GOLPH3L: variants seen among roughly 807,000 people sequenced by gnomAD.
GOLPH3L encodes the protein golgi phosphoprotein 3 like.
In GOLPH3L, 22 loss-of-function variants were observed where a neutral mutation model predicts 30.3. The ratio of observed to expected loss-of-function variants is 0.73; its 90% CI spans 0.52 to 1.04. The LOEUF (loss-of-function observed/expected upper bound fraction) is 1.04. Ranked by LOEUF, GOLPH3L falls within the 50% of genes least tolerant of loss-of-function variation. The pLI is 0.00. For synonymous variants in GOLPH3L, 120 were observed against 128.2 expected (o/e 0.94, Z 0.43); for missense variants, 303 against 345.8 (o/e 0.88, Z 0.98).
At chr1:150,680,478 G>A (rs879499892) in intron 2 of GOLPH3L, among the ~76,000 whole-genome samples, 3 of 152,084 alleles carry the variant, frequency 2.0e-5, no homozygotes, top group Admixed American at 1.3e-4. Context: ...GTGTGAGGCC[G>A]CTGAAACAAA....
chr1:150,688,257 A>G (rs1358495050), intron 2 of GOLPH3L, among the ~76,000 whole-genome samples: 1 of 152,272 alleles, frequency 6.6e-6, no homozygotes, highest in Non-Finnish European at 1.5e-5. Flanking sequence ...AACTTAAACA[A>G]TAAAGCATGT....
chr1:150,658,193 T>C lies in GOLPH3L; in HGVS notation c.430+3621A>G, dbSNP rs150837071. 2.1e-4 allele frequency among the ~76,000 whole-genome samples: 32 copies of C among 152,274 alleles called. No individual in the cohort carries two copies. The East Asian group carries it at 5.4e-3, about 26-fold the overall frequency. ...ATGCTGAGGAGGACCCCAACTGTCA[T>C]TAGCAACACCCGTTGAACACAGCCA... On this transcript the variant is annotated intron_variant, in intron 4 of 4. Transcript: ENST00000271732.
At chr1:150,650,680 C>T (rs930830835) in intron 4 of GOLPH3L, among the ~76,000 whole-genome samples, 2 of 152,108 alleles carry the variant, frequency 1.3e-5, no homozygotes, top group East Asian at 1.9e-4. Context: ...TGAATCATAC[C>T]GAAACCATCC....
chr1:150,658,649 A>T (rs1288734456), intron 4 of GOLPH3L, among the ~76,000 whole-genome samples: 1 of 152,194 alleles, frequency 6.6e-6, no homozygotes, highest in East Asian at 1.9e-4. Flanking sequence ...TTGGTCCCAT[A>T]AGGGGATGTT....
intron 2 of GOLPH3L, among the ~76,000 whole-genome samples, chr1:150,666,507 G>T (rs772170191): frequency 1.2e-4 from 19 of 152,012 alleles, no homozygotes; most frequent in African/African-American, 4.6e-4. Context: ...ACCACGCCTG[G>T]CTAATTTTTT....
chr1:150,664,384 GTAAAA>G (rs1307601837), intron 2 of GOLPH3L, among the ~76,000 whole-genome samples: 1 of 152,080 alleles, frequency 6.6e-6, no homozygotes, highest in Non-Finnish European at 1.5e-5. Context: ...TCAGAGTGGG[GTAAAA>G]TAAGTCAGAA....
chr1:150,689,712 T>C (rs1170211605), intron 2 of GOLPH3L, among the ~76,000 whole-genome samples: 1 of 151,904 alleles, frequency 6.6e-6, no homozygotes. Flanking sequence ...TAGTGTGACC[T>C]TGGCTCATTG....
intron 2 of GOLPH3L, among the ~76,000 whole-genome samples, chr1:150,690,221 A>G (rs1462856880): frequency 6.6e-6 from 1 of 151,646 alleles, no homozygotes; most frequent in Non-Finnish European, 1.5e-5. Flanking sequence ...TCCTGGCCTC[A>G]GGCAATCCTT....
chr1:150,690,252 A>G (rs1651179524), intron 2 of GOLPH3L, among the ~76,000 whole-genome samples: 1 of 152,096 alleles, frequency 6.6e-6, no homozygotes, highest in South Asian at 2.1e-4. Context: ...AAGTGCTGGG[A>G]TTACAGACAG....
intron 2 of GOLPH3L, among the ~76,000 whole-genome samples, chr1:150,682,560 G>T (rs1650979278): frequency 7.0e-6 from 1 of 143,070 alleles, no homozygotes; most frequent in Admixed American, 7.4e-5. Context: ...TCCTGGGGAA[G>T]GTGAGGCTTC....
intron 2 of GOLPH3L, among the ~76,000 whole-genome samples, chr1:150,688,707 C>T (rs1295567868): frequency 1.3e-5 from 2 of 152,120 alleles, no homozygotes; most frequent in African/African-American, 4.8e-5. Context: ...GCCAAGATCA[C>T]GCCACTGCTT....
chr1:150,654,258 G>C (rs1490683191), intron 4 of GOLPH3L, among the ~76,000 whole-genome samples: 1 of 151,524 alleles, frequency 6.6e-6, no homozygotes, highest in Non-Finnish European at 1.5e-5. Flanking sequence ...TGTAATCCCA[G>C]CACTTTGGGA....
At position 150,687,499 on chromosome 1, in the gene GOLPH3L, C is replaced by T. The variant is rs587622860; in HGVS notation, c.183+7157G>A. On this transcript the variant is annotated intron_variant, in intron 2 of 4. Coordinates refer to ENST00000271732, the MANE Select transcript of GOLPH3L (RefSeq NM_018178.6). ...GAGGCTGACACAGGAGAATTGAACG[C>T]GGGAGGCAGAGGTTGCGGTGAGCCA... Among the ~76,000 whole-genome samples the T allele has an allele frequency of 6.6e-5, 10 of 151,576 alleles. No homozygotes were observed. In the East Asian group the frequency reaches 1.6e-3, roughly 24 times the overall value.
intron 2 of GOLPH3L, among the ~76,000 whole-genome samples, chr1:150,667,681 C>T (rs1248363394): frequency 2.0e-5 from 3 of 150,724 alleles, no homozygotes; most frequent in Non-Finnish European, 4.4e-5. Context: ...GTAAGCTCCA[C>T]CTGCCGGGTT....
chr1:150,664,535 C>T (rs1650450375), intron 2 of GOLPH3L, among the ~76,000 whole-genome samples: 1 of 152,048 alleles, frequency 6.6e-6, no homozygotes, highest in Non-Finnish European at 1.5e-5. Context: ...CTCACTGCAA[C>T]CTCCGCCTCC....
chr1:150,648,791 A>G (rs1416786592), intron 4 of GOLPH3L, 43 bp from the exon 5 acceptor site: 1 of 1,251,198 alleles, frequency 8.0e-7, no homozygotes, highest in Non-Finnish European at 1.2e-6. Flanking sequence ...TGAAAGAGAA[A>G]AGCAAAATGA....
chr1:150,693,795 G>GTA (rs1375133277), intron 2 of GOLPH3L, among the ~76,000 whole-genome samples: 22 of 83,132 alleles, frequency 2.6e-4, no homozygotes, highest in African/African-American at 1.3e-3. Context: ...AATTGTTTAT[G>GTA]TATGTGTGTG....
intron 4 of GOLPH3L, among the ~76,000 whole-genome samples, chr1:150,658,135 G>T (rs971086555): frequency 6.6e-6 from 1 of 152,210 alleles, no homozygotes; most frequent in African/African-American, 2.4e-5. Context: ...GGAGGATCCC[G>T]AGGACCCCCC....
At chr1:150,683,643 C>G (rs912494525) in intron 2 of GOLPH3L, among the ~76,000 whole-genome samples, 1 of 126,234 alleles carries the variant, frequency 7.9e-6, no homozygotes. Flanking sequence ...GCGGAAGCAG[C>G]GAGCCAAGAT....
Sources: allele counts gnomAD v4.1 joint callset (sites outside exome capture counted in the v4.1 genomes callset), GRCh38; gene constraint gnomAD v4.1.1; transcripts MANE v1.5; gene names NCBI Gene and HGNC (gene_info 2026-07-23, HGNC 2026-07-21).